CSMD1: variants seen among roughly 807,000 people sequenced by gnomAD.
The protein encoded by CSMD1 is CUB and sushi domain-containing protein 1.
CSMD1 carries 213 observed loss-of-function variants against 417.5 expected under a neutral mutation model. The observed-to-expected ratio is 0.51, with a 90% CI of 0.46 to 0.57. The LOEUF is 0.57. Among genes scored for constraint, CSMD1 ranks in the 20% least tolerant of loss-of-function variants. The pLI, the probability that CSMD1 is intolerant of heterozygous loss-of-function variation, is 0.00. For missense variants in CSMD1, 6,923 were observed against 4,529.7 expected (o/e 1.53, Z -15.17); for synonymous variants, 2,862 against 1,736.8 (o/e 1.65, Z -16.11).
At chr8:4,944,594 T>C (rs532331305) in intron 1 of CSMD1, among the ~76,000 whole-genome samples, 3 of 152,174 alleles carry the variant, frequency 2.0e-5, no homozygotes, top group African/African-American at 4.8e-5. Flanking sequence ...AAGAAATAAA[T>C]TGAAACATTA....
At chr8:4,310,338 T>C (rs1277724481) in intron 3 of CSMD1, among the ~76,000 whole-genome samples, 1 of 152,190 alleles carries the variant, frequency 6.6e-6, no homozygotes, top group Non-Finnish European at 1.5e-5. Context: ...CACACTGGAA[T>C]GAATGGGTAT....
intron 2 of CSMD1, among the ~76,000 whole-genome samples, chr8:4,601,485 G>A (rs865838693): frequency 1.3e-5 from 2 of 152,130 alleles, no homozygotes; most frequent in African/African-American, 2.4e-5. Context: ...GGACAGGTGT[G>A]ATATTACAGA....
At chr8:3,310,155 GTCAT>G (rs1388497982) in intron 23 of CSMD1, among the ~76,000 whole-genome samples, 8 of 152,162 alleles carry the variant, frequency 5.3e-5, no homozygotes, top group African/African-American at 1.7e-4. Flanking sequence ...CGGTTTCAGG[GTCAT>G]TCAAATATTT....
At chr8:4,768,701 C>T (rs114758184) in intron 1 of CSMD1, among the ~76,000 whole-genome samples, 4 of 152,104 alleles carry the variant, frequency 2.6e-5, no homozygotes, top group Non-Finnish European at 5.9e-5. Context: ...AACACTTACC[C>T]GAGGCACTGG....
intron 1 of CSMD1, among the ~76,000 whole-genome samples, chr8:4,708,613 T>C (rs1234300880): frequency 6.6e-6 from 1 of 152,176 alleles, no homozygotes; most frequent in African/African-American, 2.4e-5. Flanking sequence ...AAAGAGTTCA[T>C]TGAATGGTTA....
intron 5 of CSMD1, among the ~76,000 whole-genome samples, chr8:3,842,408 G>A (rs965665027): frequency 1.3e-5 from 2 of 152,076 alleles, no homozygotes; most frequent in African/African-American, 2.4e-5. Flanking sequence ...GGCTGTGCAT[G>A]TCTTATAGTC....
At chr8:4,811,079 G>A (rs1459025454) in intron 1 of CSMD1, among the ~76,000 whole-genome samples, 1 of 152,160 alleles carries the variant, frequency 6.6e-6, no homozygotes, top group Admixed American at 6.5e-5. Context: ...GACCCTGTTA[G>A]AGAAAGGTAT....
At chr8:4,450,375 C>G (rs1173453159) in intron 2 of CSMD1, among the ~76,000 whole-genome samples, 2 of 152,080 alleles carry the variant, frequency 1.3e-5, no homozygotes, top group African/African-American at 4.8e-5. Context: ...CACCTGTAAT[C>G]CCAGCACTTT....
chr8:3,247,662 A>G (rs1799974292), intron 26 of CSMD1, among the ~76,000 whole-genome samples: 1 of 152,328 alleles, frequency 6.6e-6, no homozygotes, highest in African/African-American at 2.4e-5. Flanking sequence ...CCCCGCCCCC[A>G]GTTCTAAAAT....
intron 5 of CSMD1, among the ~76,000 whole-genome samples, chr8:3,786,265 G>C (rs559746178): frequency 6.6e-6 from 1 of 152,194 alleles, no homozygotes; most frequent in East Asian, 1.9e-4. Context: ...GGCAAGAGTG[G>C]ATACATGGGC....
chr8:4,395,353 T>G (rs545962830), intron 3 of CSMD1, among the ~76,000 whole-genome samples: 1 of 152,288 alleles, frequency 6.6e-6, no homozygotes, highest in Non-Finnish European at 1.5e-5. Flanking sequence ...TTGTTTGCAT[T>G]AAGACTAGGG....
intron 5 of CSMD1, among the ~76,000 whole-genome samples, chr8:3,767,827 C>T (rs183517698): frequency 1.3e-4 from 20 of 152,160 alleles, no homozygotes; most frequent in Admixed American, 5.9e-4. Context: ...TGCAGCCTTG[C>T]GGGTGGAAAT....
intron 1 of CSMD1, among the ~76,000 whole-genome samples, chr8:4,801,124 C>A (rs115983329): frequency 2.0e-5 from 3 of 152,108 alleles, no homozygotes; most frequent in African/African-American, 7.2e-5. Context: ...AAATTGGTGT[C>A]ATTTTACATT....
intron 3 of CSMD1, among the ~76,000 whole-genome samples, chr8:4,122,864 A>G (rs1431655841): frequency 6.6e-6 from 1 of 152,224 alleles, no homozygotes; most frequent in East Asian, 1.9e-4. Context: ...CTTGGTCCAC[A>G]TAAAGAAAGG....
At chr8:4,692,196 G>A (rs1441059546) in intron 1 of CSMD1, among the ~76,000 whole-genome samples, 1 of 152,072 alleles carries the variant, frequency 6.6e-6, no homozygotes, top group African/African-American at 2.4e-5. Context: ...GACCTCACAG[G>A]GAAATCATGG....
chr8:3,567,938 G>C (rs915164486), intron 10 of CSMD1, among the ~76,000 whole-genome samples: 2 of 152,090 alleles, frequency 1.3e-5, no homozygotes, highest in African/African-American at 4.8e-5. Context: ...CCCCATGGAC[G>C]CCGGAGATGG....
chr8:4,072,334 G>GAC (rs1799602435), intron 3 of CSMD1, among the ~76,000 whole-genome samples: 1 of 152,090 alleles, frequency 6.6e-6, no homozygotes, highest in South Asian at 2.1e-4. Context: ...ACTTCTACTT[G>GAC]ACACAAACGT....
At chr8:4,785,249 A>T (rs1335543095) in intron 1 of CSMD1, among the ~76,000 whole-genome samples, 1 of 152,164 alleles carries the variant, frequency 6.6e-6, no homozygotes, top group Non-Finnish European at 1.5e-5. Flanking sequence ...AGCAGTCATG[A>T]GGAGGTGAAC....
At chr8:4,116,349 T>C (rs539821911) in intron 3 of CSMD1, among the ~76,000 whole-genome samples, 10 of 152,264 alleles carry the variant, frequency 6.6e-5, no homozygotes, top group East Asian at 5.8e-4. Flanking sequence ...TAAGGGTGGA[T>C]ACATGTCATT....
Sources: allele counts gnomAD v4.1 joint callset (sites outside exome capture counted in the v4.1 genomes callset), GRCh38; gene constraint gnomAD v4.1.1; transcripts MANE v1.5; gene names NCBI Gene and HGNC (gene_info 2026-07-23, HGNC 2026-07-21).